The following SLC24A3 variants were observed in gnomAD, a reference collection of about 807,000 sequenced individuals.
The protein encoded by SLC24A3 is solute carrier family 24 member 3.
SLC24A3 carries 28 observed loss-of-function variants against 75.8 expected under a neutral mutation model. The ratio of observed to expected loss-of-function variants is 0.37; its 90% CI spans 0.27 to 0.51. The LOEUF (loss-of-function observed/expected upper bound fraction) is 0.51, where lower values mean the gene tolerates loss of function less well. Among genes scored for constraint, SLC24A3 ranks in the 20% least tolerant of loss-of-function variants. SLC24A3 has a pLI of 0.94. For synonymous variants in SLC24A3, 372 were observed against 334.1 expected, an observed-to-expected ratio of 1.11 and a Z score of -1.24; for missense variants, 663 against 847.8, an observed-to-expected ratio of 0.78 and a Z score of 2.71.
intron 9 of SLC24A3, among the ~76,000 whole-genome samples, chr20:19,678,791 CG>C (rs1389830341): frequency 2.7e-5 from 4 of 145,770 alleles, no homozygotes; most frequent in East Asian, 2.2e-4. Context: ...TCAGACGGGG[CG>C]GTTGCCGGGC....
chr20:19,418,399 TA>T (rs1198516411), intron 2 of SLC24A3, among the ~76,000 whole-genome samples: 3 of 151,964 alleles, frequency 2.0e-5, no homozygotes, highest in African/African-American at 7.3e-5. Flanking sequence ...AGTGCCAACA[TA>T]AAGTTGAGGA....
chr20:19,676,289 C>T (rs957150826), intron 9 of SLC24A3, among the ~76,000 whole-genome samples: 1 of 152,158 alleles, frequency 6.6e-6, no homozygotes, highest in Admixed American at 6.5e-5. Flanking sequence ...CTCCTCTTCC[C>T]CAAACCGTAC....
At chr20:19,258,835 A>T (rs960644549) in intron 1 of SLC24A3, among the ~76,000 whole-genome samples, 3 of 152,176 alleles carry the variant, frequency 2.0e-5, no homozygotes, top group Non-Finnish European at 4.4e-5. Flanking sequence ...TGCAGGGTCG[A>T]TCAAGCACAA....
intron 3 of SLC24A3, among the ~76,000 whole-genome samples, chr20:19,531,664 A>T (rs771640225): frequency 2.4e-4 from 37 of 152,316 alleles, no homozygotes; most frequent in Admixed American, 3.9e-4. Context: ...CAAACAAAGA[A>T]GTATTACGAA....
intron 2 of SLC24A3, among the ~76,000 whole-genome samples, chr20:19,316,979 C>T (rs866630020): frequency 5.9e-5 from 9 of 152,052 alleles, no homozygotes; most frequent in South Asian, 2.1e-4. Flanking sequence ...TTCTTCCTGG[C>T]GCTCTCCCTC....
In SLC24A3 at chr20:19,356,037, C is replaced by A. The variant is rs180841859; in HGVS notation, c.271+74950C>A. ...GGGTCTATAGACCCCAAATTAAGAA[C>A]CCTTGGAATTAGGACCAAACTCTGC... On this transcript the variant is annotated intron_variant, in intron 2 of 16. Coordinates refer to ENST00000328041, the MANE Select transcript of SLC24A3 (RefSeq NM_020689.4). Among the ~76,000 whole-genome samples, 1,279 of 152,256 alleles carry A rather than the reference C, an allele frequency of 8.4e-3. 8 individuals are homozygous for A. Among genetic ancestry groups the A allele is most frequent in the Non-Finnish European group, 0.013 (894 of 68,008 alleles).
intron 2 of SLC24A3, among the ~76,000 whole-genome samples, chr20:19,293,499 T>C (rs1157518816): frequency 6.6e-6 from 1 of 151,654 alleles, no homozygotes; most frequent in Non-Finnish European, 1.5e-5. Context: ...CTACTAAAAA[T>C]ACAAAAATTA....
chr20:19,457,530 A>C (rs1005083099), intron 2 of SLC24A3, among the ~76,000 whole-genome samples: 5 of 151,936 alleles, frequency 3.3e-5, no homozygotes, highest in Non-Finnish European at 7.3e-5. Flanking sequence ...CCAATGACAA[A>C]GTCAACACTG....
chr20:19,695,257 G>A (rs886481259), intron 13 of SLC24A3, among the ~76,000 whole-genome samples: 2 of 152,142 alleles, frequency 1.3e-5, no homozygotes, highest in African/African-American at 2.4e-5. Flanking sequence ...TCAAGGGCTG[G>A]CCCAGGAGGA....
intron 3 of SLC24A3, among the ~76,000 whole-genome samples, chr20:19,531,539 A>C (rs1280014087): frequency 6.6e-6 from 1 of 152,216 alleles, no homozygotes; most frequent in Non-Finnish European, 1.5e-5. Flanking sequence ...AAGAATGTAC[A>C]ATCCTCCCTA....
At chr20:19,350,873 T>C (rs1412743649) in intron 2 of SLC24A3, among the ~76,000 whole-genome samples, 1 of 151,798 alleles carries the variant, frequency 6.6e-6, no homozygotes, top group South Asian at 2.1e-4. Context: ...CAAGAAAGAG[T>C]AGAACCACAA....
chr20:19,219,240 G>C (rs1981644290), intron 1 of SLC24A3, among the ~76,000 whole-genome samples: 2 of 152,024 alleles, frequency 1.3e-5, no homozygotes, highest in African/African-American at 4.8e-5. Context: ...GCTAGTCCCG[G>C]ACGGCCCACA....
At chr20:19,436,701 C>T (rs1479853568) in intron 2 of SLC24A3, among the ~76,000 whole-genome samples, 2 of 152,216 alleles carry the variant, frequency 1.3e-5, no homozygotes, top group African/African-American at 4.8e-5. Flanking sequence ...CCAATCTTTA[C>T]ATCTCAGCTT....
chr20:19,460,675 C>T (rs1256223902), intron 2 of SLC24A3, among the ~76,000 whole-genome samples: 1 of 152,082 alleles, frequency 6.6e-6, no homozygotes, highest in Non-Finnish European at 1.5e-5. Flanking sequence ...GACGTGTTTC[C>T]CTCCGGGGTG....
rs759224359 is a variant in SLC24A3 at position 19,301,363 on chromosome 20, C to T, written c.271+20276C>T. Reference sequence around the variant, plus strand: ...CAGCTGTTTCAGCTCCTCTTAAGACCGTAAGTTAGTCATAAACTCTCAACA... The same window carrying T: ...CAGCTGTTTCAGCTCCTCTTAAGACTGTAAGTTAGTCATAAACTCTCAACA... On this transcript the variant is annotated intron_variant, in intron 2 of 16. Coordinates refer to ENST00000328041, the MANE Select transcript of SLC24A3 (RefSeq NM_020689.4). 1.2e-4 allele frequency among the ~76,000 whole-genome samples: 19 copies of T among 152,092 alleles called. 1 individual carries two copies. The highest frequency in any genetic ancestry group is 3.6e-4 in the African/African-American group (15 of 41,404).
intron 1 of SLC24A3, among the ~76,000 whole-genome samples, chr20:19,218,490 C>T (rs1285702321): frequency 6.6e-6 from 1 of 152,186 alleles, no homozygotes; most frequent in Non-Finnish European, 1.5e-5. Context: ...CTGCCTTTTT[C>T]AGTTAACTGA....
In SLC24A3 at chr20:19,452,285, C is replaced by T. The variant is rs377266738; in HGVS notation, c.272-63203C>T. On this transcript the variant is annotated intron_variant, in intron 2 of 16. Transcript: ENST00000328041. Reference sequence around the variant, plus strand: ...AATCTACTATCTAGCCGTCAGGCTCCGAGCAGTATTTCTGTCCTAATTATT... The same window carrying T: ...AATCTACTATCTAGCCGTCAGGCTCTGAGCAGTATTTCTGTCCTAATTATT... 7.9e-5 allele frequency among the ~76,000 whole-genome samples: 12 copies of T among 151,964 alleles called. No homozygotes were observed. In the East Asian group the frequency reaches 1.4e-3, roughly 17 times the overall value.
chr20:19,473,191 G>A (rs573640690), intron 2 of SLC24A3, among the ~76,000 whole-genome samples: 1 of 152,334 alleles, frequency 6.6e-6, no homozygotes, highest in South Asian at 2.1e-4. Flanking sequence ...TTTTATGTTT[G>A]CTATTGTTAT....
intron 1 of SLC24A3, among the ~76,000 whole-genome samples, chr20:19,240,701 T>A (rs1418419576): frequency 6.6e-6 from 1 of 152,184 alleles, no homozygotes; most frequent in African/African-American, 2.4e-5. Context: ...TGGGTTGGGA[T>A]GTTGTCTCTG....
Sources: gnomAD v4.1 joint callset for allele counts (sites outside exome capture counted in the v4.1 genomes callset) on GRCh38, gnomAD v4.1.1 for gene constraint, MANE v1.5 for transcripts, NCBI Gene and HGNC (gene_info 2026-07-23, HGNC 2026-07-21) for gene names.